CNTNAP2: variants seen among roughly 807,000 people sequenced by gnomAD.
CNTNAP2 encodes the protein contactin-associated protein-like 2.
Under a neutral mutation model 155.2 loss-of-function variants are expected in CNTNAP2, and 98 were observed. That is an observed-to-expected ratio of 0.63 (90% confidence interval 0.54 to 0.75). The LOEUF (loss-of-function observed/expected upper bound fraction) is 0.75, where lower values mean the gene tolerates loss of function less well. Among genes scored for constraint, CNTNAP2 ranks in the 30% least tolerant of loss-of-function variants. The probability of loss-of-function intolerance (pLI) is 0.00; values close to 1 mark genes in which losing one functional copy is unlikely to be tolerated. For missense variants in CNTNAP2, 1,727 were observed against 1,688.1 expected, an observed-to-expected ratio of 1.02 and a Z score of -0.40; for synonymous variants, 651 against 631.2, an observed-to-expected ratio of 1.03 and a Z score of -0.47.
intron 1 of CNTNAP2, among the ~76,000 whole-genome samples, chr7:146,224,343 A>G (rs1203189379): frequency 6.6e-6 from 1 of 152,106 alleles, no homozygotes; most frequent in Non-Finnish European, 1.5e-5. Flanking sequence ...GTTTTATTGT[A>G]ATACAATAGC....
chr7:147,271,626 G>T (rs1804755861), intron 8 of CNTNAP2, among the ~76,000 whole-genome samples: 1 of 152,148 alleles, frequency 6.6e-6, no homozygotes, highest in African/African-American at 2.4e-5. Flanking sequence ...AAGGCGAAAA[G>T]CATGTCTGAC....
chr7:148,245,633 C>T (rs761569921), intron 20 of CNTNAP2, among the ~76,000 whole-genome samples: 3 of 152,182 alleles, frequency 2.0e-5, no homozygotes, highest in Non-Finnish European at 4.4e-5. Flanking sequence ...AGAGCGGGCT[C>T]AGGGTCACCA....
At chr7:147,929,116 A>AAAAC (rs1407899319) in intron 14 of CNTNAP2, among the ~76,000 whole-genome samples, 1 of 151,210 alleles carries the variant, frequency 6.6e-6, no homozygotes, top group African/African-American at 2.4e-5. Flanking sequence ...AAAAAAAAAA[A>AAAAC]AAACCTTTAA....
intron 8 of CNTNAP2, among the ~76,000 whole-genome samples, chr7:147,293,115 C>A (rs1479497590): frequency 3.3e-5 from 5 of 152,110 alleles, no homozygotes; most frequent in Admixed American, 3.3e-4. Context: ...TCATGACATA[C>A]GATCTCCCCA....
intron 9 of CNTNAP2, among the ~76,000 whole-genome samples, chr7:147,336,035 C>G (rs936227185): frequency 6.6e-6 from 1 of 152,054 alleles, no homozygotes; most frequent in African/African-American, 2.4e-5. Flanking sequence ...TTGTTTTTCT[C>G]AAATTTTCAG....
At chr7:146,609,215 G>C (rs1469295001) in intron 1 of CNTNAP2, among the ~76,000 whole-genome samples, 3 of 152,176 alleles carry the variant, frequency 2.0e-5, no homozygotes. Flanking sequence ...GCACTCACAT[G>C]CATCTTATTC....
At chr7:146,916,240 T>C (rs566578881) in intron 3 of CNTNAP2, among the ~76,000 whole-genome samples, 1 of 152,292 alleles carries the variant, frequency 6.6e-6, no homozygotes, top group East Asian at 1.9e-4. Flanking sequence ...TCGAGAATTT[T>C]TTGCATCTGT....
intron 1 of CNTNAP2, among the ~76,000 whole-genome samples, chr7:146,316,783 A>G (rs993343425): frequency 2.6e-5 from 4 of 151,402 alleles, no homozygotes; most frequent in Non-Finnish European, 5.9e-5. Flanking sequence ...AATAAAAACT[A>G]CTACTCCAAT....
intron 12 of CNTNAP2, among the ~76,000 whole-genome samples, chr7:147,598,342 C>A (rs1800870022): frequency 6.6e-6 from 1 of 152,056 alleles, no homozygotes; most frequent in Non-Finnish European, 1.5e-5. Flanking sequence ...TGCCCCCGAC[C>A]CCGCAACAGG....
intron 15 of CNTNAP2, among the ~76,000 whole-genome samples, chr7:148,092,047 G>A (rs868774018): frequency 6.6e-6 from 1 of 152,182 alleles, no homozygotes; most frequent in South Asian, 2.1e-4. Flanking sequence ...TAATAGCTCC[G>A]AAGTGGCCTG....
intron 8 of CNTNAP2, among the ~76,000 whole-genome samples, chr7:147,297,691 T>C (rs761559732): frequency 2.7e-4 from 41 of 152,190 alleles, no homozygotes; most frequent in Non-Finnish European, 5.0e-4. Context: ...AAAGCTGTTA[T>C]AGGGAATAGT....
At chr7:147,750,063 A>G (rs1457092919) in intron 13 of CNTNAP2, among the ~76,000 whole-genome samples, 1 of 152,234 alleles carries the variant, frequency 6.6e-6, no homozygotes, top group Non-Finnish European at 1.5e-5. Context: ...CAGCCATTAT[A>G]AAGGAATGCC....
In CNTNAP2 at chr7:147,888,598, C is replaced by T. The variant is rs573569899; in HGVS notation, c.2099-14967C>T. Among the ~76,000 whole-genome samples, 31 of 151,628 alleles carry T rather than the reference C, an allele frequency of 2.0e-4. 1 individual carries two copies. The highest frequency in any genetic ancestry group is 1.5e-3 in the South Asian group (7 of 4,778). On this transcript the variant is annotated intron_variant, in intron 13 of 23. Transcript: ENST00000361727. ...ATGCAAATTAAGATTCAGATTAAGG[C>T]ATCATAGTGGATGTAAGCCAGAATG...
intron 14 of CNTNAP2, among the ~76,000 whole-genome samples, chr7:147,935,600 A>G (rs1354213871): frequency 1.3e-5 from 2 of 152,224 alleles, no homozygotes; most frequent in East Asian, 3.8e-4. Context: ...ATTTTAAAGT[A>G]TGATTCAAGG....
chr7:148,055,875 T>A (rs1802998513), intron 15 of CNTNAP2, among the ~76,000 whole-genome samples: 1 of 152,210 alleles, frequency 6.6e-6, no homozygotes, highest in African/African-American at 2.4e-5. Flanking sequence ...TTGGTCCCCA[T>A]GATTTTGCAA....
intron 1 of CNTNAP2, among the ~76,000 whole-genome samples, chr7:146,495,028 C>T (rs1797193083): frequency 6.6e-6 from 1 of 152,132 alleles, no homozygotes; most frequent in Admixed American, 6.5e-5. Context: ...CTAGCAGAAG[C>T]CATGGAGTTT....
chr7:147,566,118 C>CA lies in CNTNAP2; in HGVS notation c.1897+3876dup, dbSNP rs59352888. Among the ~76,000 whole-genome samples the CA allele has an allele frequency of 7.5e-3, 804 of 107,240 alleles. 4 individuals are homozygous for CA. The highest frequency in any genetic ancestry group is 9.2e-3 in the Non-Finnish European group (465 of 50,768). 70.4% of individuals were successfully genotyped at this position (107,240 alleles called of 152,430 possible). A position where few individuals can be genotyped will look rare whatever the true frequency, so the allele number is the denominator to read the frequency against. On this transcript the variant is annotated intron_variant, in intron 12 of 23. Transcript: ENST00000361727. ...CAACATGGTGAGACCCTATCTCTAC[C>CA]AAAAAAAAAAAAAAAGCAAAAACAA...
chr7:146,994,960 G>A (rs1798279520), intron 3 of CNTNAP2, among the ~76,000 whole-genome samples: 1 of 151,910 alleles, frequency 6.6e-6, no homozygotes, highest in Non-Finnish European at 1.5e-5. Context: ...CTGTAATTAT[G>A]TTTCATTTGA....
intron 4 of CNTNAP2, among the ~76,000 whole-genome samples, chr7:147,061,813 G>A (rs1563061922): frequency 6.6e-6 from 1 of 152,140 alleles, no homozygotes; most frequent in African/African-American, 2.4e-5. Flanking sequence ...AGTATACTTA[G>A]TATTCGGATA....
Sources: allele counts gnomAD v4.1 joint callset (sites outside exome capture counted in the v4.1 genomes callset), GRCh38; gene constraint gnomAD v4.1.1; transcripts MANE v1.5; gene names NCBI Gene and HGNC (gene_info 2026-07-23, HGNC 2026-07-21).